Variants in MERTK observed in about 807,000 individuals in gnomAD.
MERTK encodes tyrosine-protein kinase Mer.
A neutral mutation model predicts 99.3 loss-of-function variants in MERTK; 69 were observed. That is an observed-to-expected ratio of 0.70 (90% CI 0.57 to 0.85). MERTK has a LOEUF of 0.85. Ranked by LOEUF, MERTK falls within the 40% of genes least tolerant of loss-of-function variation. The probability of loss-of-function intolerance (pLI) is 0.00; values close to 1 mark genes in which losing one functional copy is unlikely to be tolerated. For synonymous variants in MERTK, 426 were observed against 467.6 expected (o/e 0.91, Z 1.15); for missense variants, 1,125 against 1,249.4 (o/e 0.90, Z 1.50).
Position 112,028,587 on chromosome 2 carries a change from C to T in MERTK, c.2723C>T (p.Pro908Leu). Reference sequence around the variant, plus strand: ...GACTCTATAATTGCCTCCTGCACTCCCCGCGCTGCCATCAGTGTGGTCACA... The same window carrying T: ...GACTCTATAATTGCCTCCTGCACTCTCCGCGCTGCCATCAGTGTGGTCACA... The part of the protein sequence containing the change: ...DPDSIIASCT[P>L]RAAISVVTAE... Residue 908 changes from proline (P) to leucine (L), a missense_variant, in exon 19 of 19, where the codon CCC becomes CTC. Pro to Leu is a moderately conservative substitution (Grantham distance 98). Coordinates refer to ENST00000295408, the MANE Select transcript of MERTK (RefSeq NM_006343.3). 6.2e-7 allele frequency: 1 copy of T among 1,614,206 alleles called. No individual in the cohort carries two copies. The highest frequency in any genetic ancestry group is 8.5e-7 in the Non-Finnish European group (1 of 1,180,038).
chr2:111,941,349 G>A (rs942358764), intron 2 of MERTK, among the ~76,000 whole-genome samples: 8 of 152,268 alleles, frequency 5.3e-5, no homozygotes, highest in South Asian at 2.1e-4. Context: ...GAGTTGTAAC[G>A]TTCCCTGATG....
chr2:111,969,885 G>T (rs539975844), intron 6 of MERTK, among the ~76,000 whole-genome samples: 1 of 152,100 alleles, frequency 6.6e-6, no homozygotes, highest in East Asian at 1.9e-4. Context: ...TAGAGACGGG[G>T]TTTCACCGTG....
chr2:112,022,343 A>G lies in MERTK; in HGVS notation c.2435A>G (p.Tyr812Cys), dbSNP rs141361084. ...PGVQNHEMYD[Y>C]LLHGHRLKQP... ...GTCCAGAACCATGAGATGTATGACT[A>G]TCTTCTCCATGGCCACAGGTTGAAG... The change falls in exon 18 of 19, where the codon TAT becomes TGT. Residue 812 changes from tyrosine (Y) to cysteine (C), a missense_variant. Physicochemically the swap from Tyr to Cys is radical, Grantham distance 194. Coordinates refer to ENST00000295408, the MANE Select transcript of MERTK (RefSeq NM_006343.3). 2.3e-4 allele frequency: 377 copies of G among 1,614,212 alleles called. No homozygotes were observed. The highest frequency in any genetic ancestry group is 5.2e-4 in the African/African-American group (39 of 75,044).
intron 1 of MERTK, among the ~76,000 whole-genome samples, chr2:111,914,487 C>T (rs6711337): frequency 1.6e-4 from 24 of 152,282 alleles, no homozygotes; most frequent in African/African-American, 5.5e-4. Context: ...CCATGTTGGC[C>T]ATGCTGGTCT....
At chr2:112,026,189 G>A (rs1262257899) in intron 18 of MERTK, 2 of 154,262 alleles carry the variant, frequency 1.3e-5, no homozygotes, top group Non-Finnish European at 2.9e-5. Flanking sequence ...ATTTGTGGGA[G>A]TAGGTTAGAC....
intron 1 of MERTK, among the ~76,000 whole-genome samples, chr2:111,925,504 T>C (rs1684546859): frequency 6.6e-6 from 1 of 151,334 alleles, no homozygotes; most frequent in Admixed American, 6.6e-5. Flanking sequence ...GGTTTCACCA[T>C]GTTGGCCAGG....
chr2:112,022,974 T>C lies in MERTK; in HGVS notation c.2486+580T>C, dbSNP rs34834024. ...TCGGTACAAAGTGGGCCCAGAAATG[T>C]GTGTTTTAGAATGCTCCCTGGGGCT... On this transcript the variant is annotated intron_variant, in intron 18 of 18. Coordinates refer to ENST00000295408, the MANE Select transcript of MERTK (RefSeq NM_006343.3). Among the ~76,000 whole-genome samples, 560 of 151,508 alleles carry C rather than the reference T, an allele frequency of 3.7e-3. 4 individuals are homozygous for C. The highest frequency in any genetic ancestry group is 6.6e-3 in the Non-Finnish European group (448 of 67,758).
intron 1 of MERTK, 92 bp from the exon 2 acceptor site, chr2:111,929,028 A>C: frequency 7.7e-7 from 1 of 1,295,120 alleles, no homozygotes; most frequent in Admixed American, 1.8e-5. Context: ...AGGACACCCC[A>C]GTGCTCTCTC....
At chr2:111,921,422 C>T (rs567782159) in intron 1 of MERTK, among the ~76,000 whole-genome samples, 26 of 151,838 alleles carry the variant, frequency 1.7e-4, no homozygotes, top group African/African-American at 5.6e-4. Flanking sequence ...ATTGCTTGAA[C>T]CCTGGAGGCG....
chr2:111,967,427 C>T (rs900601949), intron 5 of MERTK, among the ~76,000 whole-genome samples: 2 of 152,128 alleles, frequency 1.3e-5, no homozygotes, highest in African/African-American at 2.4e-5. Context: ...GAATTAAATT[C>T]AGCACAAAGA....
At chr2:111,965,400 C>A (rs1023094162) in intron 5 of MERTK, 123 bp downstream of exon 5, 10 of 889,370 alleles carry the variant, frequency 1.1e-5, no homozygotes, top group African/African-American at 1.7e-5. Context: ...TTCTTTGTGA[C>A]CTTGGACAAC....
chr2:111,955,981 G>A (rs933730048), intron 4 of MERTK, among the ~76,000 whole-genome samples: 2 of 135,704 alleles, frequency 1.5e-5, no homozygotes, highest in African/African-American at 2.7e-5. Flanking sequence ...GGTGAGGGGA[G>A]GGGGGAGGGA....
At chr2:111,962,782 T>C (rs1435242121) in intron 4 of MERTK, among the ~76,000 whole-genome samples, 1 of 152,238 alleles carries the variant, frequency 6.6e-6, no homozygotes, top group Non-Finnish European at 1.5e-5. Context: ...CTATGTCTTA[T>C]TAGGCTCCTC....
At chr2:111,949,690 C>T (rs1344511676) in intron 4 of MERTK, among the ~76,000 whole-genome samples, 1 of 152,112 alleles carries the variant, frequency 6.6e-6, no homozygotes, top group African/African-American at 2.4e-5. Context: ...CCACCTCGGT[C>T]AAGATATAGA....
At chr2:112,015,609 CTG>C (rs1677202090) in intron 15 of MERTK, among the ~76,000 whole-genome samples, 2 of 151,936 alleles carry the variant, frequency 1.3e-5, no homozygotes, top group Admixed American at 6.6e-5. Context: ...TTTCCAGAGA[CTG>C]TTTTCCAAGT....
At chr2:111,906,172 C>T (rs754651194) in intron 1 of MERTK, among the ~76,000 whole-genome samples, 23 of 152,174 alleles carry the variant, frequency 1.5e-4, no homozygotes, top group African/African-American at 3.9e-4. Context: ...GTCCATCCTC[C>T]GGATTTAGAT....
At chr2:111,962,140 T>G (rs192492982) in intron 4 of MERTK, among the ~76,000 whole-genome samples, 12 of 152,332 alleles carry the variant, frequency 7.9e-5, no homozygotes, top group African/African-American at 2.9e-4. Flanking sequence ...CAGATGATGT[T>G]TCTGTGTGCC....
chr2:111,952,690 G>C (rs1483025387), intron 4 of MERTK: 1 of 152,156 alleles, frequency 6.6e-6, no homozygotes, highest in African/African-American at 2.4e-5. Flanking sequence ...AATCTTCCCT[G>C]TTATTGTTCC....
At chr2:111,972,190 C>G (rs767312984) in intron 6 of MERTK, among the ~76,000 whole-genome samples, 3 of 152,200 alleles carry the variant, frequency 2.0e-5, no homozygotes, top group Non-Finnish European at 4.4e-5. Flanking sequence ...GCCACTGCGC[C>G]TGGCTCATTT....
Sources: gnomAD v4.1 joint callset for allele counts (sites outside exome capture counted in the v4.1 genomes callset) on GRCh38, gnomAD v4.1.1 for gene constraint, MANE v1.5 for transcripts, NCBI Gene and HGNC (gene_info 2026-07-23, HGNC 2026-07-21) for gene names.